ATP11A: variants seen among roughly 807,000 people sequenced by gnomAD.
ATP11A encodes phospholipid-transporting ATPase IH.
Under a neutral mutation model 154.4 loss-of-function variants are expected in ATP11A, and 81 were observed. That is an observed-to-expected ratio of 0.52 (90% confidence interval 0.44 to 0.63). The LOEUF (loss-of-function observed/expected upper bound fraction) is 0.63. ATP11A is among the 30% of genes least tolerant of loss of function. ATP11A has a pLI of 0.00. For missense variants in ATP11A, 1,316 were observed against 1,474.3 expected (o/e 0.89, Z 1.76); for synonymous variants, 623 against 585.9 (o/e 1.06, Z -0.91).
intron 28 of ATP11A, among the ~76,000 whole-genome samples, chr13:112,877,245 A>G (rs1489793579): frequency 1.3e-5 from 2 of 152,120 alleles, no homozygotes; most frequent in Admixed American, 1.3e-4. Flanking sequence ...GCCCTGGCTG[A>G]GACTCCGCGG....
At chr13:112,763,605 A>C (rs1238712477) in intron 1 of ATP11A, among the ~76,000 whole-genome samples, 1 of 152,148 alleles carries the variant, frequency 6.6e-6, no homozygotes, top group East Asian at 1.9e-4. Flanking sequence ...AGGCTCTGCT[A>C]AGAGACACTC....
Position 112,878,270 on chromosome 13 carries a change from G to C in ATP11A, c.3381G>C (p.Gln1127His), listed in dbSNP as rs200573559. ...VEQSTIFMLS[Q>H]TSSSLSF ...AGTCAACCATCTTTATGCTTTCTCA[G>C]ACTTCCAGCAGCCTGAGTTTCTGAT... Residue 1127 changes from glutamine to histidine, a missense_variant, in exon 29 of 30, where the codon CAG (glutamine) becomes CAC (histidine). Gln to His is a conservative substitution (Grantham distance 24). Coordinates refer to ENST00000375645, the MANE Select transcript of ATP11A (RefSeq NM_015205.3). 4 of 1,614,070 alleles carry C rather than the reference G, an allele frequency of 2.5e-6. No homozygotes were observed. Among genetic ancestry groups the C allele is most frequent in the Non-Finnish European group, 3.4e-6 (4 of 1,180,050 alleles).
intron 25 of ATP11A, among the ~76,000 whole-genome samples, chr13:112,867,078 G>A (rs572285928): frequency 6.6e-6 from 1 of 152,314 alleles, no homozygotes; most frequent in East Asian, 1.9e-4. Flanking sequence ...AGAACTAAGA[G>A]GTAGTGTCCT....
chr13:112,862,929 A>G (rs1419782263), intron 25 of ATP11A, among the ~76,000 whole-genome samples: 4 of 146,222 alleles, frequency 2.7e-5, no homozygotes, highest in African/African-American at 1.0e-4. Context: ...CTGCGCAGTA[A>G]TTCAGTGCAG....
At chr13:112,863,691 T>A (rs1594213536) in intron 25 of ATP11A, among the ~76,000 whole-genome samples, 1 of 123,832 alleles carries the variant, frequency 8.1e-6, no homozygotes, top group Non-Finnish European at 1.7e-5. Context: ...AGTAATTCAG[T>A]GCAGGCCTGC....
chr13:112,695,409 G>A (rs2139454825), intron 1 of ATP11A, among the ~76,000 whole-genome samples: 1 of 152,220 alleles, frequency 6.6e-6, no homozygotes, highest in Middle Eastern at 3.4e-3. Flanking sequence ...TCTTCCACCT[G>A]GACATTCTAA....
intron 3 of ATP11A, among the ~76,000 whole-genome samples, chr13:112,805,672 C>CAAA (rs1220102979): frequency 1.9e-4 from 16 of 83,020 alleles, no homozygotes; most frequent in African/African-American, 3.4e-4. Flanking sequence ...GAGACTGTCT[C>CAAA]AAAAAAAAAA....
At position 112,881,988 on chromosome 13, in the gene ATP11A, T is replaced by G. The variant is rs750998096; in HGVS notation, c.*122T>G. 5.8e-6 allele frequency: 8 copies of G among 1,367,778 alleles called. No homozygotes were observed. The allele number at this position is 1,367,778 out of a possible 1,614,324, so 84.7% of individuals were successfully genotyped here. A position where few individuals can be genotyped will look rare whatever the true frequency, so the allele number is the denominator to read the frequency against. On this transcript the variant is annotated 3_prime_UTR_variant, in exon 30 of 30. Coordinates refer to ENST00000375645, the MANE Select transcript of ATP11A (RefSeq NM_015205.3). ...GTGTCCACGGAGCCCCCACCCATCC[T>G]CGGCGGTTCCCATCACCACTGCAGT...
chr13:112,762,247 A>G (rs551165904), intron 1 of ATP11A, among the ~76,000 whole-genome samples: 95 of 152,106 alleles, frequency 6.2e-4, no homozygotes, highest in African/African-American at 2.1e-3. Context: ...GCCTCCTATC[A>G]CAGCGAGGTT....
intron 1 of ATP11A, among the ~76,000 whole-genome samples, chr13:112,706,398 C>G (rs752471048): frequency 1.3e-5 from 2 of 152,206 alleles, no homozygotes; most frequent in African/African-American, 4.8e-5. Context: ...TTAAATCATA[C>G]AGCTCATAAT....
At chr13:112,789,356 G>A (rs61421706) in intron 2 of ATP11A, among the ~76,000 whole-genome samples, 6,574 of 148,786 alleles carry the variant, frequency 0.044, 454 homozygotes, top group African/African-American at 0.15. Flanking sequence ...GTGTCCTGAC[G>A]TGTAGACCCC....
intron 8 of ATP11A, among the ~76,000 whole-genome samples, chr13:112,820,566 G>A (rs2078772547): frequency 6.6e-6 from 1 of 152,196 alleles, no homozygotes; most frequent in African/African-American, 2.4e-5. Flanking sequence ...CTCATCTATG[G>A]CCCCGAGGCA....
At chr13:112,810,769 CTG>C (rs750582746) in intron 5 of ATP11A, 43 bp downstream of exon 5, 11 of 1,572,974 alleles carry the variant, frequency 7.0e-6, no homozygotes, top group Non-Finnish European at 9.6e-6. Flanking sequence ...AGTCCAGTAA[CTG>C]TTTAAAAAAT....
At chr13:112,731,176 C>G (rs1890443792) in intron 1 of ATP11A, among the ~76,000 whole-genome samples, 1 of 151,308 alleles carries the variant, frequency 6.6e-6, no homozygotes, top group African/African-American at 2.5e-5. Context: ...CTCCAGTGAT[C>G]CACCCTCCTC....
intron 1 of ATP11A, among the ~76,000 whole-genome samples, chr13:112,735,861 C>T (rs1890946175): frequency 6.6e-6 from 1 of 152,220 alleles, no homozygotes; most frequent in Non-Finnish European, 1.5e-5. Flanking sequence ...CTAAGGAGCA[C>T]CTGACTTTTC....
chr13:112,768,102 T>C (rs1410803412), intron 1 of ATP11A, among the ~76,000 whole-genome samples: 2 of 152,250 alleles, frequency 1.3e-5, no homozygotes, highest in Non-Finnish European at 2.9e-5. Context: ...GCCTGTTTGC[T>C]TCTGGGAATT....
chr13:112,711,048 A>C (rs1369217627), intron 1 of ATP11A, among the ~76,000 whole-genome samples: 1 of 143,718 alleles, frequency 7.0e-6, no homozygotes, highest in African/African-American at 2.6e-5. Context: ...GAGGCTGCTG[A>C]AATCAGGGTT....
chr13:112,761,479 C>CT (rs1438166913), intron 1 of ATP11A, among the ~76,000 whole-genome samples: 1 of 152,136 alleles, frequency 6.6e-6, no homozygotes, highest in Non-Finnish European at 1.5e-5. Context: ...ATAAATTAAA[C>CT]TTTATCAGGG....
rs368083243 is a variant in ATP11A, at chr13:112,778,409, C to T, written c.40-6726C>T. On this transcript the variant is annotated intron_variant, in intron 1 of 29. Coordinates refer to ENST00000375645, the MANE Select transcript of ATP11A (RefSeq NM_015205.3). ...CCTTGTAACTCTCTTCAGAGTTGGA[C>T]GTAAAACACTGAGGTAGCTAGAAAT... Among the ~76,000 whole-genome samples, 40 of 152,346 alleles carry T rather than the reference C, an allele frequency of 2.6e-4. 1 individual carries two copies. Among genetic ancestry groups the T allele is most frequent in the African/African-American group, 6.3e-4 (26 of 41,576 alleles).
Sources: allele counts gnomAD v4.1 joint callset (sites outside exome capture counted in the v4.1 genomes callset), GRCh38; gene constraint gnomAD v4.1.1; transcripts MANE v1.5; gene names NCBI Gene and HGNC (gene_info 2026-07-23, HGNC 2026-07-21).